The following ARNT2 variants were observed in gnomAD, a reference collection of about 807,000 sequenced individuals.
ARNT2 encodes the protein aryl hydrocarbon receptor nuclear translocator 2.
Under a neutral mutation model 91.7 loss-of-function variants are expected in ARNT2, and 36 were observed. That is an observed-to-expected ratio of 0.39 (90% CI 0.30 to 0.52). The LOEUF is 0.52. Among genes scored for constraint, ARNT2 ranks in the 20% least tolerant of loss-of-function variants. The probability of loss-of-function intolerance (pLI) is 0.72; values close to 1 mark genes in which losing one functional copy is unlikely to be tolerated. For synonymous variants in ARNT2, 365 were observed against 347.1 expected, an observed-to-expected ratio of 1.05 and a Z score of -0.57; for missense variants, 775 against 939.3, an observed-to-expected ratio of 0.83 and a Z score of 2.29.
chr15:80,492,225 G>A (rs1897067358), intron 5 of ARNT2, among the ~76,000 whole-genome samples: 1 of 151,980 alleles, frequency 6.6e-6, no homozygotes, highest in African/African-American at 2.4e-5. Flanking sequence ...ATTCTTTGTA[G>A]AGAAAAGGTC....
At chr15:80,450,820 C>G (rs1896376910) in intron 1 of ARNT2, 60 bp from the exon 2 acceptor site, 1 of 1,554,972 alleles carries the variant, frequency 6.4e-7, no homozygotes, top group African/African-American at 1.4e-5. Context: ...TCACAACTTT[C>G]TTGCCCGTTA....
At chr15:80,588,393 AC>A (rs1893215725) in intron 17 of ARNT2, among the ~76,000 whole-genome samples, 1 of 133,494 alleles carries the variant, frequency 7.5e-6, no homozygotes, top group Non-Finnish European at 1.6e-5. Context: ...CCTCTTGTCT[AC>A]CCCATTCCTT....
chr15:80,520,149 T>C (rs1000923336), intron 8 of ARNT2, among the ~76,000 whole-genome samples: 22 of 151,986 alleles, frequency 1.4e-4, no homozygotes, highest in African/African-American at 5.1e-4. Flanking sequence ...ATGCGCAAAA[T>C]AGACACAATT....
At chr15:80,405,032 G>T (rs559493035) in intron 1 of ARNT2, among the ~76,000 whole-genome samples, 16 of 152,238 alleles carry the variant, frequency 1.1e-4, no homozygotes, top group African/African-American at 3.6e-4. Context: ...ACTAAGCGCT[G>T]GTCCTTTGCG....
chr15:80,435,820 C>T (rs765356397), intron 1 of ARNT2, among the ~76,000 whole-genome samples: 2 of 152,074 alleles, frequency 1.3e-5, no homozygotes. Flanking sequence ...TTCATTGATT[C>T]ATTTATTCAT....
intron 8 of ARNT2, among the ~76,000 whole-genome samples, chr15:80,524,565 C>T (rs1268112540): frequency 6.6e-6 from 1 of 152,110 alleles, no homozygotes; most frequent in African/African-American, 2.4e-5. Flanking sequence ...AACAGGCATG[C>T]TTTTAGAGGC....
chr15:80,481,708 G>A (rs1295202892), intron 5 of ARNT2, among the ~76,000 whole-genome samples: 1 of 152,120 alleles, frequency 6.6e-6, no homozygotes, highest in African/African-American at 2.4e-5. Context: ...GCGAGACCCT[G>A]TCTCAAATAA....
intron 1 of ARNT2, among the ~76,000 whole-genome samples, chr15:80,417,329 A>G (rs1004546556): frequency 6.6e-5 from 4 of 60,668 alleles, no homozygotes; most frequent in African/African-American, 2.5e-4. Context: ...TCATTTTAGG[A>G]AATTAATTTA....
At chr15:80,417,014 A>T (rs1895795183) in intron 1 of ARNT2, among the ~76,000 whole-genome samples, 1 of 152,070 alleles carries the variant, frequency 6.6e-6, no homozygotes, top group African/African-American at 2.4e-5. Context: ...GGGTTTTTTA[A>T]AAAAAAATTG....
Position 80,475,086 on chromosome 15 carries a change from A to C in ARNT2, c.485A>C (p.Tyr162Ser). 1 of 1,614,196 alleles carries C rather than the reference A, an allele frequency of 6.2e-7. No individual in the cohort carries two copies. The highest frequency in any genetic ancestry group is 1.1e-5 in the South Asian group (1 of 91,086). The change falls in exon 5 of 19, where the codon TAT becomes TCT. Residue 162 changes from tyrosine (Y) to serine (S), a missense_variant. Transcript: ENST00000303329. ...GCTGCTGAGACAGGGCGAGTGATTT[A>C]TGTGTCTGACTCCGTCACCCCTGTT... is the stretch of plus-strand genomic sequence containing the variant. ...VVAAETGRVI[Y>S]VSDSVTPVLN...
chr15:80,575,607 C>T (rs867362629), intron 14 of ARNT2, among the ~76,000 whole-genome samples: 5 of 152,222 alleles, frequency 3.3e-5, no homozygotes, highest in Non-Finnish European at 2.9e-5. Flanking sequence ...TTTCTTCAGC[C>T]GTGTGGCTGT....
intron 1 of ARNT2, among the ~76,000 whole-genome samples, chr15:80,438,866 T>C (rs570138073): frequency 6.6e-6 from 1 of 152,332 alleles, no homozygotes; most frequent in African/African-American, 2.4e-5. Flanking sequence ...ATTTTTTGTA[T>C]TTTTAGTAGA....
At chr15:80,586,877 AT>A (rs1441914412) in intron 17 of ARNT2, among the ~76,000 whole-genome samples, 6 of 152,032 alleles carry the variant, frequency 3.9e-5, no homozygotes, top group Non-Finnish European at 7.4e-5. Context: ...TTTCAAAAAT[AT>A]CTGGAGTGAG....
chr15:80,511,500 C>T (rs985760434), intron 6 of ARNT2, among the ~76,000 whole-genome samples: 1 of 151,850 alleles, frequency 6.6e-6, no homozygotes, highest in African/African-American at 2.4e-5. Context: ...GTATAACAAA[C>T]CTGCACTTGA....
At chr15:80,583,933 G>C (rs1042742772) in intron 17 of ARNT2, among the ~76,000 whole-genome samples, 1 of 152,208 alleles carries the variant, frequency 6.6e-6, no homozygotes, top group Non-Finnish European at 1.5e-5. Flanking sequence ...TCCAATGAGG[G>C]CATGGAAAAA....
At chr15:80,487,479 G>A (rs1349645525) in intron 5 of ARNT2, among the ~76,000 whole-genome samples, 1 of 152,230 alleles carries the variant, frequency 6.6e-6, no homozygotes, top group Non-Finnish European at 1.5e-5. Context: ...TGGGGAACAA[G>A]CCATGCACAT....
At position 80,574,197 on chromosome 15, in the gene ARNT2, T is replaced by C; in HGVS notation, c.1366T>C (p.Leu456=). 13 of 1,614,212 alleles carry C rather than the reference T, an allele frequency of 8.1e-6. No homozygotes were observed. Among genetic ancestry groups the C allele is most frequent in the Non-Finnish European group, 1.1e-5 (13 of 1,180,026 alleles). Residue 456 remains leucine (L), a synonymous_variant, in exon 13 of 19, where the codon TTG becomes CTG. Coordinates refer to ENST00000303329, the MANE Select transcript of ARNT2 (RefSeq NM_014862.4). The part of the protein sequence containing the change: ...AELEVHQRDG[L]SSYDLSQVPV... ...ATTGGAAGTGCACCAGAGAGATGGA[T>C]TGTCATCGTATGACTTATCCCAGGT...
At chr15:80,514,951 T>A (rs767073912) in intron 8 of ARNT2, among the ~76,000 whole-genome samples, 14 of 151,840 alleles carry the variant, frequency 9.2e-5, no homozygotes, top group South Asian at 4.2e-4. Context: ...GTGATTGGAG[T>A]CTTAGCAACT....
At chr15:80,574,748 T>A (rs547407595) in intron 13 of ARNT2, among the ~76,000 whole-genome samples, 2 of 152,322 alleles carry the variant, frequency 1.3e-5, no homozygotes, top group Admixed American at 1.3e-4. Flanking sequence ...AAGAAAGTAA[T>A]CAGTGTGACT....
Sources: gnomAD v4.1 joint callset for allele counts (sites outside exome capture counted in the v4.1 genomes callset) on GRCh38, gnomAD v4.1.1 for gene constraint, MANE v1.5 for transcripts, NCBI Gene and HGNC (gene_info 2026-07-23, HGNC 2026-07-21) for gene names.